Variants in ZCCHC7 observed in about 807,000 individuals in gnomAD.
ZCCHC7 encodes zinc finger CCHC domain-containing protein 7.
In ZCCHC7, 35 loss-of-function variants were observed where a neutral mutation model predicts 52.0. The observed-to-expected ratio is 0.67, with a 90% CI of 0.51 to 0.89. The LOEUF (loss-of-function observed/expected upper bound fraction) is 0.89, where lower values mean the gene tolerates loss of function less well. Among genes scored for constraint, ZCCHC7 ranks in the 40% least tolerant of loss-of-function variants. ZCCHC7 has a pLI of 0.00. For synonymous variants in ZCCHC7, 217 were observed against 221.5 expected (o/e 0.98, Z 0.18); for missense variants, 574 against 649.1 (o/e 0.88, Z 1.26).
intron 2 of ZCCHC7, among the ~76,000 whole-genome samples, chr9:37,291,659 T>G (rs1368481802): frequency 6.6e-6 from 1 of 152,244 alleles, no homozygotes; most frequent in Admixed American, 6.5e-5. Context: ...TGAAAATGTT[T>G]TACAGTTTTT....
At chr9:37,152,991 T>A (rs1316338427) in intron 2 of ZCCHC7, among the ~76,000 whole-genome samples, 6 of 152,200 alleles carry the variant, frequency 3.9e-5, no homozygotes, top group Admixed American at 1.3e-4. Context: ...TTGTGGATAT[T>A]TACTTTACAT....
chr9:37,320,509 C>T (rs1564252622), intron 5 of ZCCHC7, among the ~76,000 whole-genome samples: 1 of 152,188 alleles, frequency 6.6e-6, no homozygotes, highest in Non-Finnish European at 1.5e-5. Context: ...GTGTTCCAGT[C>T]TATAGACTAC....
chr9:37,168,852 C>T (rs971665334), intron 2 of ZCCHC7, among the ~76,000 whole-genome samples: 3 of 152,260 alleles, frequency 2.0e-5, no homozygotes, highest in South Asian at 2.1e-4. Flanking sequence ...GACAGGGACC[C>T]GCCCTCAGGA....
chr9:37,327,716 T>C, intron 5 of ZCCHC7, 83 bp from the exon 6 acceptor site: 1 of 1,466,970 alleles, frequency 6.8e-7, no homozygotes. Flanking sequence ...CCGACACCGG[T>C]GGATGCTGGG....
intron 2 of ZCCHC7, among the ~76,000 whole-genome samples, chr9:37,167,217 A>G (rs10116283): frequency 0.57 from 85,835 of 149,978 alleles, 25,041 homozygotes; most frequent in African/African-American, 0.71. Flanking sequence ...TGCAGTGTCT[A>G]TTCTGTCCAA....
chr9:37,171,410 T>C (rs1564155939), intron 2 of ZCCHC7, among the ~76,000 whole-genome samples: 1 of 152,196 alleles, frequency 6.6e-6, no homozygotes, highest in South Asian at 2.1e-4. Flanking sequence ...AATGAAAGTC[T>C]ACTGGCATCT....
intron 2 of ZCCHC7, among the ~76,000 whole-genome samples, chr9:37,199,058 C>T (rs140489617): frequency 2.0e-5 from 3 of 152,210 alleles, no homozygotes; most frequent in African/African-American, 7.2e-5. Flanking sequence ...ACACATTTGC[C>T]ACACCCTCCT....
At chr9:37,150,034 T>G (rs1175690223) in intron 2 of ZCCHC7, among the ~76,000 whole-genome samples, 1 of 152,220 alleles carries the variant, frequency 6.6e-6, no homozygotes, top group Non-Finnish European at 1.5e-5. Context: ...TTCACAAGAA[T>G]GTGACAGAGT....
Position 37,308,124 on chromosome 9 carries a change from T to C in ZCCHC7, c.951+2410T>C, listed in dbSNP as rs180918398. On this transcript the variant is annotated intron_variant, in intron 5 of 8. Transcript: ENST00000336755. The stretch of plus-strand genomic sequence containing the variant: ...ATTTCTTTGGTTATTAATAAAGTGG[T>C]ATATGGTTAATTAATTTGAATACTC... Among the ~76,000 whole-genome samples, 5 of 152,306 alleles carry C rather than the reference T, an allele frequency of 3.3e-5. No homozygotes were observed. In the East Asian group the frequency reaches 9.6e-4, roughly 29 times the overall value.
chr9:37,328,011 A>G (rs1270426812), intron 6 of ZCCHC7, among the ~76,000 whole-genome samples, 177 bp downstream of exon 6: 1 of 151,964 alleles, frequency 6.6e-6, no homozygotes, highest in Non-Finnish European at 1.5e-5. Flanking sequence ...CCCCTACCCT[A>G]TCTTCCTGTT....
rs947819696 is a variant in ZCCHC7, at chr9:37,140,474, C to T, written c.610+13532C>T. 3.9e-5 allele frequency among the ~76,000 whole-genome samples: 6 copies of T among 152,012 alleles called. No homozygotes were observed. In the South Asian group the frequency reaches 1.0e-3, roughly 26 times the overall value. ...TATTGGTTCTTCTGTGTATGAAATACTTTTAAACATTCAAAATATTCAATT... is the reference window on the plus strand; with the variant it reads ...TATTGGTTCTTCTGTGTATGAAATATTTTTAAACATTCAAAATATTCAATT... On this transcript the variant is annotated intron_variant, in intron 2 of 8. Coordinates refer to ENST00000336755, the MANE Select transcript of ZCCHC7 (RefSeq NM_032226.3).
At chr9:37,209,643 A>G (rs920641924) in intron 2 of ZCCHC7, among the ~76,000 whole-genome samples, 5 of 151,934 alleles carry the variant, frequency 3.3e-5, no homozygotes, top group African/African-American at 9.7e-5. Context: ...TTTTTGTTTC[A>G]TTTCTGCATC....
intron 2 of ZCCHC7, among the ~76,000 whole-genome samples, chr9:37,253,136 C>A (rs1187147525): frequency 6.6e-6 from 1 of 151,856 alleles, no homozygotes; most frequent in Non-Finnish European, 1.5e-5. Context: ...TCTATAGATA[C>A]GGCAAGAAAA....
chr9:37,303,358 A>G (rs199715967), intron 3 of ZCCHC7, among the ~76,000 whole-genome samples: 1 of 151,594 alleles, frequency 6.6e-6, no homozygotes, highest in Non-Finnish European at 1.5e-5. Flanking sequence ...CCAGGGAGGT[A>G]GAGGTTGCAG....
At chr9:37,285,158 T>G (rs537066727) in intron 2 of ZCCHC7, among the ~76,000 whole-genome samples, 97 of 152,272 alleles carry the variant, frequency 6.4e-4, no homozygotes, top group African/African-American at 2.3e-3. Flanking sequence ...GATTTTTGTT[T>G]GAGAAGTTTG....
At chr9:37,190,793 TGGA>T (rs2133102641) in intron 2 of ZCCHC7, among the ~76,000 whole-genome samples, 1 of 151,940 alleles carries the variant, frequency 6.6e-6, no homozygotes, top group South Asian at 2.1e-4. Context: ...CTGAGGCGGG[TGGA>T]TCACCTGAAG....
intron 7 of ZCCHC7, among the ~76,000 whole-genome samples, chr9:37,353,831 T>C (rs1270417459): frequency 6.6e-6 from 1 of 152,224 alleles, no homozygotes; most frequent in Non-Finnish European, 1.5e-5. Context: ...TTTTCATTAC[T>C]TAGCTAAGAA....
intron 2 of ZCCHC7, among the ~76,000 whole-genome samples, chr9:37,183,333 A>G (rs139683723): frequency 1.9e-4 from 29 of 152,366 alleles, no homozygotes; most frequent in African/African-American, 6.3e-4. Flanking sequence ...ACCTTTCAAA[A>G]TCAATCCAGT....
intron 2 of ZCCHC7, among the ~76,000 whole-genome samples, chr9:37,221,341 G>A (rs1320875856): frequency 1.3e-5 from 2 of 152,064 alleles, no homozygotes; most frequent in Middle Eastern, 3.2e-3. Flanking sequence ...GGAGAAAGAA[G>A]AATGGCCTTT....
Sources: gnomAD v4.1 joint callset for allele counts (sites outside exome capture counted in the v4.1 genomes callset) on GRCh38, gnomAD v4.1.1 for gene constraint, MANE v1.5 for transcripts, NCBI Gene and HGNC (gene_info 2026-07-23, HGNC 2026-07-21) for gene names.